The following UTRN variants were observed in gnomAD, a reference collection of about 807,000 sequenced individuals.
The protein encoded by UTRN is utrophin.
In UTRN, 283 loss-of-function variants were observed where a neutral mutation model predicts 463.9. The observed-to-expected ratio is 0.61, with a 90% CI of 0.55 to 0.67. The LOEUF (loss-of-function observed/expected upper bound fraction) is 0.67, where lower values mean the gene tolerates loss of function less well. Among genes scored for constraint, UTRN ranks in the 30% least tolerant of loss-of-function variants. The probability of loss-of-function intolerance (pLI) is 0.00; values close to 1 mark genes in which losing one functional copy is unlikely to be tolerated. For missense variants in UTRN, 3,922 were observed against 4,084.3 expected, an observed-to-expected ratio of 0.96 and a Z score of 1.08; for synonymous variants, 1,442 against 1,431.5, an observed-to-expected ratio of 1.01 and a Z score of -0.17.
chr6:144,698,448 GT>G (rs1451807285), intron 52 of UTRN, among the ~76,000 whole-genome samples: 8 of 152,298 alleles, frequency 5.3e-5, no homozygotes, highest in Non-Finnish European at 1.0e-4. Context: ...TTCACACAGC[GT>G]TTTTTAATCA....
At chr6:144,729,323 A>G (rs1477280367) in intron 53 of UTRN, among the ~76,000 whole-genome samples, 1 of 152,116 alleles carries the variant, frequency 6.6e-6, no homozygotes, top group African/African-American at 2.4e-5. Context: ...TTTATTGACT[A>G]TGGAAGAAAA....
At chr6:144,565,950 G>A (rs1800364556) in intron 50 of UTRN, among the ~76,000 whole-genome samples, 1 of 150,052 alleles carries the variant, frequency 6.7e-6, no homozygotes, top group Non-Finnish European at 1.5e-5. Context: ...TTATAGTAAA[G>A]CATGTTTGTG....
At chr6:144,408,991 G>A (rs1462250718) in intron 3 of UTRN, among the ~76,000 whole-genome samples, 2 of 152,184 alleles carry the variant, frequency 1.3e-5, no homozygotes, top group African/African-American at 2.4e-5. Context: ...TATTTCATGA[G>A]TATGCATATG....
chr6:144,635,557 T>TA (rs1777084804), intron 51 of UTRN, among the ~76,000 whole-genome samples: 1 of 121,940 alleles, frequency 8.2e-6, no homozygotes, highest in African/African-American at 3.3e-5. Context: ...TTTTTTTTTT[T>TA]GAGAGGGAGT....
chr6:144,290,349 C>G (rs955886634), intron 1 of UTRN, among the ~76,000 whole-genome samples: 1 of 152,178 alleles, frequency 6.6e-6, no homozygotes, highest in African/African-American at 2.4e-5. Context: ...CAAAGCTCCC[C>G]CTCTCCCAGG....
chr6:144,425,662 G>T (rs1785234365), intron 6 of UTRN, among the ~76,000 whole-genome samples: 1 of 151,842 alleles, frequency 6.6e-6, no homozygotes, highest in African/African-American at 2.4e-5. Context: ...ATAGATTCAT[G>T]GACATTTGCA....
chr6:144,656,577 A>C (rs766171533), intron 51 of UTRN, among the ~76,000 whole-genome samples: 1 of 152,178 alleles, frequency 6.6e-6, no homozygotes, highest in Non-Finnish European at 1.5e-5. Flanking sequence ...ACATCTGGGT[A>C]ATGGAAAGTA....
intron 51 of UTRN, among the ~76,000 whole-genome samples, chr6:144,582,086 A>G (rs1194242825): frequency 2.6e-5 from 4 of 152,242 alleles, no homozygotes; most frequent in East Asian, 1.9e-4. Context: ...ACACAGTTCT[A>G]TAAGACCCAA....
At chr6:144,450,327 C>T (rs891819212) in intron 17 of UTRN, among the ~76,000 whole-genome samples, 12 of 152,166 alleles carry the variant, frequency 7.9e-5, no homozygotes, top group African/African-American at 2.2e-4. Context: ...TTGGCCACAT[C>T]GTCAATTGTC....
chr6:144,757,492 G>T (rs543899957), intron 57 of UTRN, among the ~76,000 whole-genome samples: 5 of 151,988 alleles, frequency 3.3e-5, no homozygotes, highest in African/African-American at 1.2e-4. Context: ...CTGTGACTAC[G>T]ATGCAAAGTA....
At chr6:144,516,106 C>A in intron 37 of UTRN, 123 bp from the exon 38 acceptor site, 1 of 965,710 alleles carries the variant, frequency 1.0e-6, no homozygotes, top group Non-Finnish European at 1.5e-6. Context: ...CAAAAGTTAG[C>A]TGAGCTGAAT....
intron 51 of UTRN, among the ~76,000 whole-genome samples, chr6:144,634,573 A>G (rs894317600): frequency 3.9e-5 from 6 of 152,210 alleles, no homozygotes; most frequent in African/African-American, 1.4e-4. Flanking sequence ...TTGTTGCAAT[A>G]TAATTCATAT....
chr6:144,436,228 A>T, intron 10 of UTRN, 90 bp downstream of exon 10: 1 of 1,309,076 alleles, frequency 7.6e-7, no homozygotes, highest in South Asian at 1.4e-5. Flanking sequence ...TTATCTACTG[A>T]ATTCTGTTCT....
intron 45 of UTRN, among the ~76,000 whole-genome samples, chr6:144,541,766 G>A (rs185875503): frequency 2.0e-5 from 3 of 152,202 alleles, no homozygotes; most frequent in Non-Finnish European, 4.4e-5. Flanking sequence ...GTACATAAAG[G>A]TGGAGCACCT....
At chr6:144,654,230 GT>G (rs1779108700) in intron 51 of UTRN, among the ~76,000 whole-genome samples, 1 of 152,214 alleles carries the variant, frequency 6.6e-6, no homozygotes, top group Non-Finnish European at 1.5e-5. Flanking sequence ...GGGTTCCTAA[GT>G]AAGAAGATGA....
chr6:144,787,110 T>C (rs1003971253), intron 61 of UTRN, among the ~76,000 whole-genome samples: 1 of 152,224 alleles, frequency 6.6e-6, no homozygotes, highest in Admixed American at 6.5e-5. Context: ...GGGATCACTT[T>C]ATCCTTAGCC....
intron 74 of UTRN, among the ~76,000 whole-genome samples, chr6:144,848,503 A>T (rs1782213556): frequency 6.6e-6 from 1 of 152,194 alleles, no homozygotes; most frequent in South Asian, 2.1e-4. Flanking sequence ...AGTGTGGGAG[A>T]CAGAAATAAA....
Position 144,745,018 on chromosome 6 carries a change from G to A in UTRN, c.7940-3228G>A, listed in dbSNP as rs371740694. ...TCTATCTATCCATGCCAGACCTTAC[G>A]CTGACCAGGGAAATCACTACCTTTT... On this transcript the variant is annotated intron_variant, in intron 54 of 74. Coordinates refer to ENST00000367545, the MANE Select transcript of UTRN (RefSeq NM_007124.3). Among the ~76,000 whole-genome samples, 11 of 152,182 alleles carry A rather than the reference G, an allele frequency of 7.2e-5. No individual in the cohort carries two copies. In the East Asian group the frequency reaches 1.7e-3, roughly 24 times the overall value.
intron 2 of UTRN, among the ~76,000 whole-genome samples, chr6:144,316,244 T>C (rs1775281120): frequency 6.6e-6 from 1 of 152,226 alleles, no homozygotes; most frequent in Non-Finnish European, 1.5e-5. Context: ...TGTTGGTTCC[T>C]ATTTGGATAT....
Sources: allele counts gnomAD v4.1 joint callset (sites outside exome capture counted in the v4.1 genomes callset), GRCh38; gene constraint gnomAD v4.1.1; transcripts MANE v1.5; gene names NCBI Gene and HGNC (gene_info 2026-07-23, HGNC 2026-07-21).